The following SDK1 variants were observed in gnomAD, a reference collection of about 807,000 sequenced individuals.
The protein encoded by SDK1 is protein sidekick-1.
A neutral mutation model predicts 245.5 loss-of-function variants in SDK1; 157 were observed. That is an observed-to-expected ratio of 0.64 (90% CI 0.56 to 0.73). The LOEUF (loss-of-function observed/expected upper bound fraction) is 0.73, where lower values mean the gene tolerates loss of function less well. Among genes scored for constraint, SDK1 ranks in the 30% least tolerant of loss-of-function variants. The pLI is 0.00. For synonymous variants in SDK1, 1,647 were observed against 1,278.5 expected, an observed-to-expected ratio of 1.29 and a Z score of -6.15; for missense variants, 3,583 against 3,002.3, an observed-to-expected ratio of 1.19 and a Z score of -4.52.
chr7:3,707,126 T>C (rs1053569945), intron 4 of SDK1, among the ~76,000 whole-genome samples: 4 of 152,214 alleles, frequency 2.6e-5, no homozygotes, highest in Non-Finnish European at 5.9e-5. Flanking sequence ...TTTCTCTAGT[T>C]CCTTGAGATA....
intron 2 of SDK1, among the ~76,000 whole-genome samples, chr7:3,623,608 G>C (rs966782314): frequency 6.6e-6 from 1 of 152,108 alleles, no homozygotes; most frequent in Non-Finnish European, 1.5e-5. Flanking sequence ...ACATTAGCAA[G>C]TTGACGGTAA....
At chr7:3,771,250 G>A (rs1780398806) in intron 4 of SDK1, among the ~76,000 whole-genome samples, 1 of 152,050 alleles carries the variant, frequency 6.6e-6, no homozygotes, top group African/African-American at 2.4e-5. Context: ...AGGATAGTGT[G>A]GAAGTGCACA....
chr7:3,554,701 T>G (rs1027626937), intron 1 of SDK1, among the ~76,000 whole-genome samples: 2 of 152,184 alleles, frequency 1.3e-5, no homozygotes, highest in African/African-American at 4.8e-5. Context: ...CACCTTTCCC[T>G]CATCCAAAAA....
intron 44 of SDK1, among the ~76,000 whole-genome samples, chr7:4,260,806 G>A (rs1408436778): frequency 6.7e-6 from 1 of 148,516 alleles, no homozygotes; most frequent in Non-Finnish European, 1.5e-5. Context: ...ATCGTCACCT[G>A]ATGGAGAAGC....
chr7:3,359,758 C>T (rs560501817), intron 1 of SDK1, among the ~76,000 whole-genome samples: 2 of 152,122 alleles, frequency 1.3e-5, no homozygotes, highest in African/African-American at 2.4e-5. Context: ...ACGGTATCTT[C>T]AGGCATTGTG....
At chr7:4,217,843 G>C (rs1434304506) in intron 38 of SDK1, among the ~76,000 whole-genome samples, 1 of 152,168 alleles carries the variant, frequency 6.6e-6, no homozygotes, top group Non-Finnish European at 1.5e-5. Context: ...GGCCAGGCTG[G>C]CTCTGCCTCC....
intron 1 of SDK1, chr7:3,338,409 A>C: frequency 7.6e-6 from 4 of 527,880 alleles, no homozygotes; most frequent in South Asian, 1.6e-5. Context: ...TGAGCACATT[A>C]AGCACTCTTA....
intron 1 of SDK1, among the ~76,000 whole-genome samples, chr7:3,471,239 G>C (rs1781172785): frequency 1.3e-5 from 2 of 152,132 alleles, no homozygotes; most frequent in Admixed American, 1.3e-4. Flanking sequence ...TAATCCCTTT[G>C]AGTCTGAACA....
intron 36 of SDK1, among the ~76,000 whole-genome samples, chr7:4,207,770 C>T (rs1006753248): frequency 2.0e-5 from 3 of 152,120 alleles, no homozygotes; most frequent in African/African-American, 4.8e-5. Flanking sequence ...GGCACATCAT[C>T]GGCAGCTGAA....
intron 1 of SDK1, among the ~76,000 whole-genome samples, chr7:3,523,991 A>G (rs1783032264): frequency 6.6e-6 from 1 of 152,088 alleles, no homozygotes; most frequent in African/African-American, 2.4e-5. Flanking sequence ...CTGTGATTCC[A>G]TCTCAGGAGT....
At chr7:3,512,623 G>A (rs1022289968) in intron 1 of SDK1, among the ~76,000 whole-genome samples, 10 of 152,268 alleles carry the variant, frequency 6.6e-5, no homozygotes, top group African/African-American at 1.9e-4. Context: ...TTACCATTTG[G>A]TGTTGTCTGG....
intron 4 of SDK1, among the ~76,000 whole-genome samples, chr7:3,817,267 A>G (rs1287553371): frequency 6.6e-6 from 1 of 152,172 alleles, no homozygotes; most frequent in East Asian, 1.9e-4. Flanking sequence ...GGGTCCATAG[A>G]TACTCTTAAG....
chr7:3,985,285 T>C (rs4720142), intron 13 of SDK1, among the ~76,000 whole-genome samples: 70,412 of 152,202 alleles, frequency 0.46, 17,711 homozygotes, highest in South Asian at 0.66. Context: ...ACATTCTTTA[T>C]GATAAACCAT....
At chr7:3,953,171 A>G (rs573885107) in intron 7 of SDK1, among the ~76,000 whole-genome samples, 3,737 of 67,728 alleles carry the variant, frequency 0.055, 175 homozygotes, top group African/African-American at 0.15. Context: ...CAAAATAAGG[A>G]AAAAAAAAAA....
intron 1 of SDK1, among the ~76,000 whole-genome samples, chr7:3,410,543 G>T (rs1779171262): frequency 6.7e-6 from 1 of 149,358 alleles, no homozygotes; most frequent in African/African-American, 2.5e-5. Context: ...TCTGCCAAAG[G>T]TTGCATAACT....
intron 5 of SDK1, among the ~76,000 whole-genome samples, chr7:3,851,128 C>T (rs1178916631): frequency 6.6e-6 from 1 of 152,152 alleles, no homozygotes; most frequent in African/African-American, 2.4e-5. Flanking sequence ...TTATACCCTA[C>T]GTGTTGGCAT....
At chr7:4,170,621 C>T (rs886534993) in intron 32 of SDK1, among the ~76,000 whole-genome samples, 3 of 152,088 alleles carry the variant, frequency 2.0e-5, no homozygotes, top group East Asian at 3.9e-4. Flanking sequence ...TAATACTGAC[C>T]GGTGCCCACT....
chr7:4,188,217 C>T (rs1783000365), intron 35 of SDK1, among the ~76,000 whole-genome samples: 1 of 152,262 alleles, frequency 6.6e-6, no homozygotes, highest in South Asian at 2.1e-4. Flanking sequence ...GCATATCTGT[C>T]CTCAAGCTAG....
In SDK1 at chr7:3,625,942, C is replaced by CTTTTTTT. The variant is rs3086084; in HGVS notation, c.458+6714_458+6720dup. Reference sequence around the variant, plus strand: ...GGATTTTTCTTTCTTTCTTTTCTTTCTTTTTTTTTTTTTTTTTGAGGGAGA... The same window carrying CTTTTTTT: ...GGATTTTTCTTTCTTTCTTTTCTTTCTTTTTTTTTTTTTTTTTTTTTTTTGAGGGAGA... On this transcript the variant is annotated intron_variant, in intron 2 of 44. Transcript: ENST00000404826. 2.0e-4 allele frequency among the ~76,000 whole-genome samples: 26 copies of CTTTTTTT among 129,768 alleles called. 1 individual carries two copies. The highest frequency in any genetic ancestry group is 4.4e-4 in the East Asian group (2 of 4,556). 85.1% of individuals were successfully genotyped at this position (129,768 alleles called of 152,430 possible). A position where few individuals can be genotyped will look rare whatever the true frequency, so the allele number is the denominator to read the frequency against.
Sources: allele counts gnomAD v4.1 joint callset (sites outside exome capture counted in the v4.1 genomes callset), GRCh38; gene constraint gnomAD v4.1.1; transcripts MANE v1.5; gene names NCBI Gene and HGNC (gene_info 2026-07-23, HGNC 2026-07-21).